The following BNIPL variants were observed in gnomAD, a reference collection of about 807,000 sequenced individuals.
BNIPL encodes the protein bcl-2/adenovirus E1B 19 kDa-interacting protein 2-like protein.
In BNIPL, 33 loss-of-function variants were observed where a neutral mutation model predicts 47.0. The ratio of observed to expected loss-of-function variants is 0.70; its 90% CI spans 0.53 to 0.94. The LOEUF is 0.94. Among genes scored for constraint, BNIPL ranks in the 40% least tolerant of loss-of-function variants. BNIPL has a pLI of 0.00. For synonymous variants in BNIPL, 145 were observed against 162.7 expected, an observed-to-expected ratio of 0.89 and a Z score of 0.83; for missense variants, 404 against 445.2, an observed-to-expected ratio of 0.91 and a Z score of 0.83.
chr1:151,039,601 T>C (rs1244581590), intron 4 of BNIPL, among the ~76,000 whole-genome samples: 2 of 152,150 alleles, frequency 1.3e-5, no homozygotes, highest in South Asian at 4.1e-4. Flanking sequence ...AGCATGACTA[T>C]TTTAATATGA....
intron 4 of BNIPL, among the ~76,000 whole-genome samples, chr1:151,040,328 C>T (rs748646083): frequency 2.0e-5 from 3 of 151,510 alleles, no homozygotes; most frequent in Admixed American, 6.6e-5. Flanking sequence ...TATAGGCCCA[C>T]GCCACCAAAC....
Position 151,043,396 on chromosome 1 carries a change from C to T in BNIPL, c.681C>T (p.Ser227=). Residue 227 remains serine, a synonymous_variant, in exon 6 of 10, where the codon AGC becomes AGT. Transcript: ENST00000368931. Reference sequence around the variant, plus strand: ...CTTCCTGTTATCTACCCAGAAGCAGCATCCCCAACTACACCTATGTCATGG... The same window carrying T: ...CTTCCTGTTATCTACCCAGAAGCAGTATCCCCAACTACACCTATGTCATGG... ...LFASCYLPRS[S]IPNYTYVMEH... 6.2e-7 allele frequency: 1 copy of T among 1,610,768 alleles called. No individual in the cohort carries two copies. Among genetic ancestry groups the T allele is most frequent in the Non-Finnish European group, 8.5e-7 (1 of 1,176,944 alleles).
intron 2 of BNIPL, 58 bp from the exon 3 acceptor site, chr1:151,038,446 T>C: frequency 7.7e-7 from 1 of 1,292,312 alleles, no homozygotes; most frequent in Non-Finnish European, 1.1e-6. Flanking sequence ...ATATATTGAG[T>C]CCTGGCTTGA....
intron 4 of BNIPL, 73 bp downstream of exon 4, chr1:151,039,099 G>C (rs1675733011): frequency 2.1e-6 from 3 of 1,426,370 alleles, no homozygotes; most frequent in Admixed American, 2.8e-5. Context: ...GGACTTAATG[G>C]GACTGCAGTT....
rs1676050894 is a variant in BNIPL at position 151,046,980 on chromosome 1, A to G, written c.*293A>G. The G allele has an allele frequency of 1.1e-5, 3 of 262,036 alleles. No homozygotes were observed. The South Asian group carries it at 2.6e-4, about 22-fold the overall frequency. The allele number at this position is 262,036 out of a possible 1,614,324, so 16.2% of individuals were successfully genotyped here. On this transcript the variant is annotated 3_prime_UTR_variant, in exon 10 of 10. Coordinates refer to ENST00000368931, the MANE Select transcript of BNIPL (RefSeq NM_138278.4). ...GGGTTTTTTTGTTTTTTGTTTTTTG[A>G]GACGGAGTCTCGCTCTGTCGCCAGG...
chr1:151,043,455 G>A (rs1418662004), intron 6 of BNIPL, 21 bp downstream of exon 6: 3 of 1,569,718 alleles, frequency 1.9e-6, no homozygotes, highest in Non-Finnish European at 2.6e-6. Context: ...AGGCCTGAAG[G>A]GCTACAGGGC....
At position 151,043,443 on chromosome 1, in the gene BNIPL, G is replaced by A; in HGVS notation, c.719+9G>A. 1.3e-6 allele frequency: 2 copies of A among 1,581,442 alleles called. No individual in the cohort carries two copies. Among genetic ancestry groups the A allele is most frequent in the Non-Finnish European group, 1.7e-6 (2 of 1,150,464 alleles). ...ATGGAACACTTGTTTAGGTGAGGTG[G>A]AAGGCCTGAAGGGCTACAGGGCAGT... is the stretch of plus-strand genomic sequence containing the variant. On this transcript the variant is annotated intron_variant, in intron 6 of 9. Transcript: ENST00000368931.
chr1:151,046,196 G>A, intron 9 of BNIPL, 31 bp downstream of exon 9: 1 of 1,612,858 alleles, frequency 6.2e-7, no homozygotes, highest in Non-Finnish European at 8.5e-7. Context: ...TAAAGCCTTG[G>A]GGTGGGATGT....
Position 151,043,728 on chromosome 1 carries a change from G to A in BNIPL, c.851+1G>A, listed in dbSNP as rs778057555. 3.1e-6 allele frequency: 5 copies of A among 1,612,706 alleles called. No individual in the cohort carries two copies. The Admixed American group carries it at 6.7e-5, about 22-fold the overall frequency. On this transcript the variant is annotated splice_donor_variant, in intron 7 of 9. Coordinates refer to ENST00000368931, the MANE Select transcript of BNIPL (RefSeq NM_138278.4). LOFTEE classifies it high-confidence loss of function. ...AGTGTTACCGTACCCTGGATCGGCGGTGAGACCTGGGATGAGAGGGCTACA... is the reference window on the plus strand; with the variant it reads ...AGTGTTACCGTACCCTGGATCGGCGATGAGACCTGGGATGAGAGGGCTACA...
intron 4 of BNIPL, among the ~76,000 whole-genome samples, chr1:151,042,160 G>A (rs1675846178): frequency 6.6e-6 from 1 of 151,988 alleles, no homozygotes; most frequent in Non-Finnish European, 1.5e-5. Flanking sequence ...ATAGTTCACT[G>A]CAGCCTTGAA....
In BNIPL at chr1:151,036,692, G is replaced by A. The variant is rs779787640; in HGVS notation, c.-34G>A. 2 of 1,586,450 alleles carry A rather than the reference G, an allele frequency of 1.3e-6. No homozygotes were observed. Among genetic ancestry groups the A allele is most frequent in the Non-Finnish European group, 1.7e-6 (2 of 1,154,934 alleles). Reference sequence around the variant, plus strand: ...CAACCAGCTCCCCAACAACTCCTAGGTGTTTAAAGAAGGAGGCAGGAAGAC... The same window carrying A: ...CAACCAGCTCCCCAACAACTCCTAGATGTTTAAAGAAGGAGGCAGGAAGAC... On this transcript the variant is annotated 5_prime_UTR_variant, in exon 1 of 10. It adds an upstream start codon to the 5' untranslated region. Transcript: ENST00000368931.
chr1:151,036,718 T>G lies in BNIPL; in HGVS notation c.-8T>G, dbSNP rs761791167. Reference sequence around the variant, plus strand: ...TGTTTAAAGAAGGAGGCAGGAAGACTTGTGAAGATGGGAACTATACAAGAG... The same window carrying G: ...TGTTTAAAGAAGGAGGCAGGAAGACGTGTGAAGATGGGAACTATACAAGAG... On this transcript the variant is annotated 5_prime_UTR_variant, in exon 1 of 10. Transcript: ENST00000368931. The G allele has an allele frequency of 6.2e-7, 1 of 1,609,832 alleles. No individual in the cohort carries two copies. Among genetic ancestry groups the G allele is most frequent in the Middle Eastern group, 1.6e-4 (1 of 6,078 alleles).
Position 151,047,674 on chromosome 1 carries a change from C to T in BNIPL, c.*987C>T, listed in dbSNP as rs1222201236. ...GGCAGAGTTCTTGCCGCAGAGGTTC[C>T]TTAGGAGCACCCCGCGCGGCCCGCG... On this transcript the variant is annotated 3_prime_UTR_variant, in exon 10 of 10. Transcript: ENST00000368931. 1.8e-6 allele frequency: 2 copies of T among 1,121,346 alleles called. No individual in the cohort carries two copies. The highest frequency in any genetic ancestry group is 2.4e-6 in the Non-Finnish European group (2 of 826,080). 69.5% of individuals were successfully genotyped at this position (1,121,346 alleles called of 1,614,324 possible).
Position 151,037,602 on chromosome 1 carries a change from C to G in BNIPL, c.77C>G (p.Ala26Gly). Residue 26 changes from alanine to glycine, a missense_variant, in exon 2 of 10, where the codon GCA becomes GGA. Ala to Gly is a moderately conservative substitution (Grantham distance 60). Transcript: ENST00000368931. ...REIAEAPELG[A>G]ALRHGELELK... Reference sequence around the variant, plus strand: ...ATTGCAGAAGCACCAGAACTAGGAGCAGCCCTGAGACATGGGGAGTTGGAG... The same window carrying G: ...ATTGCAGAAGCACCAGAACTAGGAGGAGCCCTGAGACATGGGGAGTTGGAG... 1 of 1,607,780 alleles carries G rather than the reference C, an allele frequency of 6.2e-7. No individual in the cohort carries two copies. Among genetic ancestry groups the G allele is most frequent in the Non-Finnish European group, 8.5e-7 (1 of 1,176,982 alleles).
intron 2 of BNIPL, chr1:151,038,278 G>A: frequency 1.8e-6 from 1 of 566,824 alleles, no homozygotes; most frequent in Non-Finnish European, 3.1e-6. Context: ...GGAGGCTGAG[G>A]TGGGAGGACC....
chr1:151,046,761 G>A lies in BNIPL; in HGVS notation c.*74G>A. On this transcript the variant is annotated 3_prime_UTR_variant, in exon 10 of 10. Transcript: ENST00000368931. ...CCTGAATCCCTGAAACATCTGAACT[G>A]TTTTGTAAATCATCTTATCCCCAAC... is the stretch of plus-strand genomic sequence containing the variant. 1 of 1,301,384 alleles carries A rather than the reference G, an allele frequency of 7.7e-7. No homozygotes were observed. Among genetic ancestry groups the A allele is most frequent in the Admixed American group, 2.0e-5 (1 of 49,932 alleles). The allele number at this position is 1,301,384 out of a possible 1,614,324, so 80.6% of individuals were successfully genotyped here.
Position 151,045,862 on chromosome 1 carries a change from C to T in BNIPL, c.917C>T (p.Ala306Val). The T allele has an allele frequency of 6.2e-7, 1 of 1,614,170 alleles. No individual in the cohort carries two copies. ...HATWYVKAFL[A>V]LLRPFISSKF... is the part of the protein sequence containing the mutation. The stretch of plus-strand genomic sequence containing the variant: ...ACATGGTATGTGAAAGCATTTCTGG[C>T]ACTGCTTCGGCCCTTCATCAGGTAC... The change falls in exon 8 of 10, where the codon GCA becomes GTA. Residue 306 changes from alanine to valine, a missense_variant. By Grantham distance (64) the Ala-to-Val change is moderately conservative (BLOSUM62 0). Coordinates refer to ENST00000368931, the MANE Select transcript of BNIPL (RefSeq NM_138278.4).
At chr1:151,039,870 C>G (rs1187565343) in intron 4 of BNIPL, among the ~76,000 whole-genome samples, 2 of 152,174 alleles carry the variant, frequency 1.3e-5, no homozygotes, top group East Asian at 3.8e-4. Context: ...TGTTCCTCAG[C>G]CTCCTGAGTA....
Position 151,043,018 on chromosome 1 carries a change from T to C in BNIPL, c.496T>C (p.Cys166Arg). ...GACAGCTGAAAGGCTGGGCCGAGGT[T>C]GTATGTGGGATGTGACTGGAGAAGA... ...SETAERLGRG[C>R]MWDVTGEDGH... is the part of the protein sequence containing the mutation. The change falls in exon 5 of 10, where the codon TGT becomes CGT. Residue 166 changes from cysteine (C) to arginine (R), a missense_variant. By Grantham distance (180) the Cys-to-Arg change is radical. Coordinates refer to ENST00000368931, the MANE Select transcript of BNIPL (RefSeq NM_138278.4). 1 of 1,611,150 alleles carries C rather than the reference T, an allele frequency of 6.2e-7. No individual in the cohort carries two copies. Among genetic ancestry groups the C allele is most frequent in the Non-Finnish European group, 8.5e-7 (1 of 1,179,306 alleles).
Sources: gnomAD v4.1 joint callset for allele counts (sites outside exome capture counted in the v4.1 genomes callset) on GRCh38, gnomAD v4.1.1 for gene constraint, MANE v1.5 for transcripts, NCBI Gene and HGNC (gene_info 2026-07-23, HGNC 2026-07-21) for gene names.